The following CELA1 variants were observed in gnomAD, a reference collection of about 807,000 sequenced individuals.
The protein encoded by CELA1 is chymotrypsin like elastase 1.
CELA1 carries 28 observed loss-of-function variants against 34.8 expected under a neutral mutation model. The ratio of observed to expected loss-of-function variants is 0.80; its 90% CI spans 0.60 to 1.10. The LOEUF is 1.10. Among genes scored for constraint, CELA1 ranks in the 50% least tolerant of loss-of-function variants. CELA1 has a pLI of 0.00. For synonymous variants in CELA1, 140 were observed against 129.8 expected, an observed-to-expected ratio of 1.08 and a Z score of -0.53; for missense variants, 288 against 327.5, an observed-to-expected ratio of 0.88 and a Z score of 0.93.
At position 51,343,757 on chromosome 12, in the gene CELA1, C is replaced by G; in HGVS notation, c.196G>C (p.Asp66His). 6.3e-7 allele frequency: 1 copy of G among 1,578,964 alleles called. No homozygotes were observed. The highest frequency in any genetic ancestry group is 8.7e-7 in the Non-Finnish European group (1 of 1,148,532). Residue 66 changes from aspartate (D) to histidine (H), a missense_variant, in exon 3 of 8, where the codon GAT becomes CAT. Transcript: ENST00000293636. Reference protein sequence around the residue: ...NWVMTAAHCVDYQKTFRVVAG... With the variant: ...NWVMTAAHCVHYQKTFRVVAG... Reference sequence around the variant, plus strand: ...GCTTGTCTTTGTTTTTCTTACTAATCCACGCAGTGAGCAGCTGTCATCACC... The same window carrying G: ...GCTTGTCTTTGTTTTTCTTACTAATGCACGCAGTGAGCAGCTGTCATCACC...
At chr12:51,332,302 A>T (rs931232691) in intron 6 of CELA1, among the ~76,000 whole-genome samples, 1 of 152,188 alleles carries the variant, frequency 6.6e-6, no homozygotes, top group African/African-American at 2.4e-5. Flanking sequence ...TGTTGATCTA[A>T]CCAAAATATT....
intron 6 of CELA1, among the ~76,000 whole-genome samples, chr12:51,336,350 AT>A (rs1946499373): frequency 6.6e-6 from 1 of 152,020 alleles, no homozygotes; most frequent in Non-Finnish European, 1.5e-5. Context: ...CACTTTTTCT[AT>A]CTAATTTCTT....
rs33950532 is a variant in CELA1, at chr12:51,337,539, C to CAAAAAAAAAAAAAAAAAAA, written c.609+2302_609+2320dup. Among the ~76,000 whole-genome samples the CAAAAAAAAAAAAAAAAAAA allele has an allele frequency of 2.9e-5, 2 of 69,358 alleles. 1 individual carries two copies. The highest frequency in any genetic ancestry group is 4.8e-5 in the Non-Finnish European group (2 of 41,254). 45.5% of individuals were successfully genotyped at this position (69,358 alleles called of 152,430 possible). A position where few individuals can be genotyped will look rare whatever the true frequency, so the allele number is the denominator to read the frequency against. On this transcript the variant is annotated intron_variant, in intron 6 of 7. Coordinates refer to ENST00000293636, the MANE Select transcript of CELA1 (RefSeq NM_001971.6). ...GTGACAGAGCAAGACCTTATCTCTT[C>CAAAAAAAAAAAAAAAAAAA]AAAAAAAAAAAAAAAAAAAAAAAGC... is the stretch of plus-strand genomic sequence containing the variant.
intron 6 of CELA1, among the ~76,000 whole-genome samples, chr12:51,334,439 T>G (rs1441075230): frequency 6.6e-6 from 1 of 151,376 alleles, no homozygotes; most frequent in Non-Finnish European, 1.5e-5. Flanking sequence ...TTTTAATCCT[T>G]TTTTTTTTCT....
rs575593221 is a variant in CELA1 at position 51,334,624 on chromosome 12, C to T, written c.610-4791G>A. Among the ~76,000 whole-genome samples, 34 of 152,178 alleles carry T rather than the reference C, an allele frequency of 2.2e-4. No homozygotes were observed. In the South Asian group the frequency reaches 6.2e-3, roughly 28 times the overall value. The stretch of plus-strand genomic sequence containing the variant: ...AATTTTTTTGTATTTTTAGTAGAGA[C>T]GGGGTTTCACCGTGTTAGCCAGGAT... On this transcript the variant is annotated intron_variant, in intron 6 of 7. Transcript: ENST00000293636.
intron 6 of CELA1, among the ~76,000 whole-genome samples, chr12:51,338,060 G>A (rs181244677): frequency 0.011 from 1,632 of 151,372 alleles, 19 homozygotes; most frequent in Non-Finnish European, 0.019. Flanking sequence ...CAAACATGGT[G>A]AAATCCTGTC....
At chr12:51,334,282 G>A (rs1472323554) in intron 6 of CELA1, among the ~76,000 whole-genome samples, 1 of 152,206 alleles carries the variant, frequency 6.6e-6, no homozygotes, top group African/African-American at 2.4e-5. Context: ...GTTGCATTAT[G>A]CATTAGTCTA....
At position 51,329,666 on chromosome 12, in the gene CELA1, T is replaced by C; in HGVS notation, c.759+18A>G. 1 of 1,596,706 alleles carries C rather than the reference T, an allele frequency of 6.3e-7. No homozygotes were observed. Among genetic ancestry groups the C allele is most frequent in the Non-Finnish European group, 8.5e-7 (1 of 1,171,322 alleles). On this transcript the variant is annotated intron_variant, in intron 7 of 7. Coordinates refer to ENST00000293636, the MANE Select transcript of CELA1 (RefSeq NM_001971.6). ...CTCCAGGTGACCCCATTTCAACCCA[T>C]CATTTGAGAGGACTCACATTATTTA...
At chr12:51,341,700 A>G (rs139263822) in intron 4 of CELA1, among the ~76,000 whole-genome samples, 1 of 152,330 alleles carries the variant, frequency 6.6e-6, no homozygotes, top group African/African-American at 2.4e-5. Flanking sequence ...TTCTCAAACA[A>G]GAAAAATGTA....
rs1946567046 is a variant in CELA1 at position 51,346,615 on chromosome 12, CCACTTACCATAA to C, written c.12_16+7del. On this transcript the variant is annotated splice_donor_variant and splice_donor_5th_base_variant and coding_sequence_variant and intron_variant, in exon 1 of 8. Transcript: ENST00000293636. LOFTEE classifies it high-confidence loss of function. ...GACCAGGGTTGCGACTGGACCATAT[CCACTTACCATAA>C]AGGACCAGCATGTTGCCGATGGAGT... The C allele has an allele frequency of 2.9e-5, 17 of 580,914 alleles. No individual in the cohort carries two copies. The highest frequency in any genetic ancestry group is 3.8e-5 in the Non-Finnish European group (16 of 422,448). The allele number at this position is 580,914 out of a possible 1,614,324, so 36.0% of individuals were successfully genotyped here. A position where few individuals can be genotyped will look rare whatever the true frequency, so the allele number is the denominator to read the frequency against.
rs1294316124 is a variant in CELA1 at position 51,337,379 on chromosome 12, A to C, written c.609+2481T>G. Among the ~76,000 whole-genome samples, 3 of 151,944 alleles carry C rather than the reference A, an allele frequency of 2.0e-5. No individual in the cohort carries two copies. In the East Asian group the frequency reaches 5.8e-4, roughly 29 times the overall value. On this transcript the variant is annotated intron_variant, in intron 6 of 7. Coordinates refer to ENST00000293636, the MANE Select transcript of CELA1 (RefSeq NM_001971.6). The stretch of plus-strand genomic sequence containing the variant: ...GTGAAACCTTGTCACTACCAAAAAC[A>C]AAACAAAATTAGCTGGGTGTGATGG...
intron 6 of CELA1, among the ~76,000 whole-genome samples, chr12:51,336,755 CAG>C (rs1946501545): frequency 6.6e-6 from 1 of 152,206 alleles, no homozygotes; most frequent in Admixed American, 6.5e-5. Flanking sequence ...AATCTTGTCT[CAG>C]GGCAACAGTG....
At chr12:51,334,315 G>A (rs764085430) in intron 6 of CELA1, among the ~76,000 whole-genome samples, 15 of 152,228 alleles carry the variant, frequency 9.9e-5, no homozygotes, top group Non-Finnish European at 1.9e-4. Flanking sequence ...TTCCCATGTA[G>A]AGTCCCTGGG....
At chr12:51,342,484 C>T in intron 4 of CELA1, 91 bp downstream of exon 4, 1 of 1,579,770 alleles carries the variant, frequency 6.3e-7, no homozygotes, top group Non-Finnish European at 8.6e-7. Context: ...TGCAATCCCT[C>T]TAGCCCTCTG....
At chr12:51,342,155 A>G (rs1189229128) in intron 4 of CELA1, among the ~76,000 whole-genome samples, 2 of 151,558 alleles carry the variant, frequency 1.3e-5, no homozygotes, top group African/African-American at 4.8e-5. Flanking sequence ...TTCTCCTGTA[A>G]TCAAGCGATT....
chr12:51,332,194 A>AC (rs1946474203), intron 6 of CELA1, among the ~76,000 whole-genome samples: 1 of 151,930 alleles, frequency 6.6e-6, no homozygotes, highest in Non-Finnish European at 1.5e-5. Flanking sequence ...CTTTAAAAAA[A>AC]AAAAAAAAAA....
intron 6 of CELA1, among the ~76,000 whole-genome samples, chr12:51,332,640 G>A (rs1565699761): frequency 6.6e-6 from 1 of 152,058 alleles, no homozygotes; most frequent in Non-Finnish European, 1.5e-5. Context: ...CGAGGTGGGT[G>A]GATCACGTGA....
chr12:51,338,281 CACACACAT>C lies in CELA1; in HGVS notation c.609+1571_609+1578del, dbSNP rs1352954824. Among the ~76,000 whole-genome samples, 87 of 47,394 alleles carry C rather than the reference CACACACAT, an allele frequency of 1.8e-3. 1 individual carries two copies. Among genetic ancestry groups the C allele is most frequent in the Admixed American group, 5.8e-3 (16 of 2,764 alleles). The allele number at this position is 47,394 out of a possible 152,430, so 31.1% of individuals were successfully genotyped here. A position where few individuals can be genotyped will look rare whatever the true frequency, so the allele number is the denominator to read the frequency against. On this transcript the variant is annotated intron_variant, in intron 6 of 7. Transcript: ENST00000293636. ...ACACACACACACACACACACACACA[CACACACAT>C]ACACATACGCATACATATATATATA...
In CELA1 at chr12:51,339,977, C is replaced by T; in HGVS notation, c.492G>A (p.Gln164=). The part of the protein sequence containing the change: ...KTNGQLAQTL[Q]QAYLPSVDYA... ...AGTCCACAGAGGGCAGGTAAGCCTG[C>T]TGCAGGGTCTGGGCCAGCTGCCCAT... Residue 164 remains glutamine, a synonymous_variant, in exon 6 of 8, where the codon CAG becomes CAA. Coordinates refer to ENST00000293636, the MANE Select transcript of CELA1 (RefSeq NM_001971.6). The T allele has an allele frequency of 6.2e-7, 1 of 1,613,920 alleles. No homozygotes were observed. The highest frequency in any genetic ancestry group is 8.5e-7 in the Non-Finnish European group (1 of 1,179,908).
Sources: allele counts gnomAD v4.1 joint callset (sites outside exome capture counted in the v4.1 genomes callset), GRCh38; gene constraint gnomAD v4.1.1; transcripts MANE v1.5; gene names NCBI Gene and HGNC (gene_info 2026-07-23, HGNC 2026-07-21).